The following CR1L variants were observed in gnomAD, a reference collection of about 807,000 sequenced individuals.
CR1L encodes the protein complement component receptor 1-like protein.
CR1L carries 59 observed loss-of-function variants against 62.3 expected under a neutral mutation model. The ratio of observed to expected loss-of-function variants is 0.95; its 90% CI spans 0.77 to 1.18. CR1L has a LOEUF of 1.18. Ranked by LOEUF, CR1L falls within the 50% of genes most tolerant of loss-of-function variation. The pLI is 0.00. For synonymous variants in CR1L, 279 were observed against 248.7 expected, an observed-to-expected ratio of 1.12 and a Z score of -1.15; for missense variants, 700 against 702.8, an observed-to-expected ratio of 1.00 and a Z score of 0.04.
At chr1:207,712,140 C>T (rs1664369887) in intron 10 of CR1L, among the ~76,000 whole-genome samples, 1 of 152,150 alleles carries the variant, frequency 6.6e-6, no homozygotes. Context: ...CAGAGTAAGC[C>T]CCAATTTAGG....
chr1:207,667,206 A>G (rs918396873), intron 1 of CR1L, among the ~76,000 whole-genome samples: 6 of 152,322 alleles, frequency 3.9e-5, no homozygotes, highest in African/African-American at 1.4e-4. Flanking sequence ...ATGGTTTCCT[A>G]TTGCTACTGT....
intron 11 of CR1L, among the ~76,000 whole-genome samples, chr1:207,719,392 T>C (rs916654481): frequency 2.6e-5 from 4 of 151,800 alleles, no homozygotes; most frequent in African/African-American, 7.3e-5. Flanking sequence ...GTGATACTAG[T>C]TGTAAAAGTT....
In CR1L at chr1:207,697,880, A is replaced by T. The variant is rs1172261390; in HGVS notation, c.1142+7A>T. On this transcript the variant is annotated splice_region_variant and intron_variant, in intron 7 of 11. Transcript: ENST00000508064. The stretch of plus-strand genomic sequence containing the variant: ...ATTTTGTTTGTGATGAAGGGTGAGT[A>T]TGAGCTTGCCTGACCTGCTGGACAT... 1.9e-6 allele frequency: 3 copies of T among 1,613,880 alleles called. No homozygotes were observed. The highest frequency in any genetic ancestry group is 2.5e-6 in the Non-Finnish European group (3 of 1,179,866).
In CR1L at chr1:207,697,642, C is replaced by A; in HGVS notation, c.1002C>A (p.Pro334=). 6.2e-7 allele frequency: 1 copy of A among 1,614,016 alleles called. No homozygotes were observed. Among genetic ancestry groups the A allele is most frequent in the African/African-American group, 1.3e-5 (1 of 75,032 alleles). Residue 334 remains proline, a synonymous_variant, in exon 6 of 12, where the codon CCC becomes CCA. Transcript: ENST00000508064. ...GATCTACGTATTTGCACTGCACACCCCAGGGAGACTGGAGCCCTGCAGCCC... is the reference window on the plus strand; with the variant it reads ...GATCTACGTATTTGCACTGCACACCACAGGGAGACTGGAGCCCTGCAGCCC... ...LRGSTYLHCT[P]QGDWSPAAPR...
chr1:207,678,456 G>A (rs1037679743), intron 3 of CR1L, among the ~76,000 whole-genome samples, 159 bp downstream of exon 3: 1 of 152,146 alleles, frequency 6.6e-6, no homozygotes, highest in Non-Finnish European at 1.5e-5. Flanking sequence ...AATGGACAAA[G>A]GTATGACAAG....
chr1:207,664,032 T>C (rs1441301704), intron 1 of CR1L, among the ~76,000 whole-genome samples: 3 of 152,238 alleles, frequency 2.0e-5, no homozygotes, highest in East Asian at 1.9e-4. Flanking sequence ...ACTAAATTTA[T>C]AGCAACTGAA....
rs553337402 is a variant in CR1L, at chr1:207,679,429, T to C, written c.377+1132T>C. On this transcript the variant is annotated intron_variant, in intron 3 of 11. Coordinates refer to ENST00000508064, the MANE Select transcript of CR1L (RefSeq NM_175710.2). The stretch of plus-strand genomic sequence containing the variant: ...CAAATAAGGTCACATTAATAGGAAC[T>C]GGGGATTAAGACATCCATATATTTC... Among the ~76,000 whole-genome samples the C allele has an allele frequency of 3.0e-4, 46 of 152,284 alleles. 1 individual carries two copies. The East Asian group carries it at 8.1e-3, about 27-fold the overall frequency.
At chr1:207,701,375 G>A in intron 8 of CR1L, 144 bp from the exon 9 acceptor site, 5 of 991,968 alleles carry the variant, frequency 5.0e-6, no homozygotes, top group Non-Finnish European at 6.2e-6. Flanking sequence ...GAGGCTCTCT[G>A]ATGAGTTTTC....
chr1:207,722,648 A>G (rs1654164104), intron 11 of CR1L, among the ~76,000 whole-genome samples: 1 of 152,062 alleles, frequency 6.6e-6, no homozygotes, highest in African/African-American at 2.4e-5. Context: ...CTTTTTTTAA[A>G]TTGTCCATTA....
intron 1 of CR1L, among the ~76,000 whole-genome samples, chr1:207,651,478 TAAGAA>T (rs934073862): frequency 6.6e-6 from 1 of 151,932 alleles, no homozygotes; most frequent in Non-Finnish European, 1.5e-5. Context: ...GACCAGGGAG[TAAGAA>T]AAGAAATGCT....
At chr1:207,723,448 G>C (rs1654182483) in intron 11 of CR1L, among the ~76,000 whole-genome samples, 170 bp from the exon 12 acceptor site, 1 of 151,742 alleles carries the variant, frequency 6.6e-6, no homozygotes, top group Admixed American at 6.6e-5. Context: ...AATCTTCTCT[G>C]AGTGCAGAAG....
intron 4 of CR1L, 43 bp from the exon 5 acceptor site, chr1:207,694,310 T>C: frequency 1.2e-6 from 2 of 1,609,926 alleles, no homozygotes; most frequent in Non-Finnish European, 1.7e-6. Context: ...CGTGAGATTT[T>C]TGTCATTCAT....
intron 3 of CR1L, among the ~76,000 whole-genome samples, 183 bp downstream of exon 3, chr1:207,678,480 T>A (rs906262991): frequency 5.9e-5 from 9 of 152,104 alleles, no homozygotes; most frequent in Non-Finnish European, 1.3e-4. Flanking sequence ...AGGGGGAAAA[T>A]CATCTGTATC....
intron 1 of CR1L, among the ~76,000 whole-genome samples, chr1:207,648,517 G>A (rs1275779876): frequency 1.3e-5 from 2 of 152,174 alleles, no homozygotes; most frequent in Admixed American, 6.5e-5. Context: ...TTGTAAGCAG[G>A]TGGTGCTGTG....
chr1:207,670,445 C>T (rs1663592067), intron 1 of CR1L, among the ~76,000 whole-genome samples: 1 of 151,024 alleles, frequency 6.6e-6, no homozygotes, highest in South Asian at 2.1e-4. Context: ...CTTTTTTTAA[C>T]TTCAAGTAGG....
chr1:207,687,656 TG>T (rs1204410613), intron 4 of CR1L, among the ~76,000 whole-genome samples: 1 of 152,232 alleles, frequency 6.6e-6, no homozygotes, highest in East Asian at 1.9e-4. Context: ...TCACTTTTGT[TG>T]CTGCATGAAG....
intron 1 of CR1L, among the ~76,000 whole-genome samples, chr1:207,666,605 G>A (rs1403928704): frequency 2.0e-5 from 3 of 152,164 alleles, no homozygotes; most frequent in Admixed American, 1.3e-4. Flanking sequence ...GCAGGAACAG[G>A]AAACCAAATA....
At chr1:207,706,601 C>T (rs1413752475) in intron 9 of CR1L, among the ~76,000 whole-genome samples, 7 of 151,870 alleles carry the variant, frequency 4.6e-5, no homozygotes, top group African/African-American at 1.2e-4. Flanking sequence ...ATGTAATACC[C>T]GCAAAAGAAA....
chr1:207,692,849 T>C (rs1339211182), intron 4 of CR1L, among the ~76,000 whole-genome samples: 1 of 152,174 alleles, frequency 6.6e-6, no homozygotes, highest in South Asian at 2.1e-4. Context: ...GTTTTCTCTA[T>C]CATAAAGATC....
Sources: allele counts gnomAD v4.1 joint callset (sites outside exome capture counted in the v4.1 genomes callset), GRCh38; gene constraint gnomAD v4.1.1; transcripts MANE v1.5; gene names NCBI Gene and HGNC (gene_info 2026-07-23, HGNC 2026-07-21).